Variants in STXBP3 observed in about 807,000 individuals in gnomAD.
The protein encoded by STXBP3 is syntaxin-binding protein 3.
In STXBP3, 41 loss-of-function variants were observed where a neutral mutation model predicts 85.7. That is an observed-to-expected ratio of 0.48 (90% CI 0.37 to 0.62). STXBP3 has a LOEUF of 0.62. Ranked by LOEUF, STXBP3 falls within the 20% of genes least tolerant of loss-of-function variation. The pLI is 0.00. For synonymous variants in STXBP3, 229 were observed against 231.7 expected, an observed-to-expected ratio of 0.99 and a Z score of 0.10; for missense variants, 563 against 703.1, an observed-to-expected ratio of 0.80 and a Z score of 2.25.
chr1:108,765,132 G>A (rs1002143743), intron 6 of STXBP3, among the ~76,000 whole-genome samples: 2 of 152,164 alleles, frequency 1.3e-5, no homozygotes, highest in African/African-American at 4.8e-5. Context: ...TTATTGATTA[G>A]GGAGTCCTTT....
intron 9 of STXBP3, chr1:108,780,931 C>T (rs904725927): frequency 6.6e-6 from 1 of 151,544 alleles, no homozygotes; most frequent in African/African-American, 2.4e-5. Context: ...CTGCGCCTGG[C>T]TCATTTTTGT....
In STXBP3 at chr1:108,772,501, CTA is replaced by C. The variant is rs202126770; in HGVS notation, c.439-157_439-156del. Among the ~76,000 whole-genome samples the C allele has an allele frequency of 4.3e-4, 62 of 142,566 alleles. 1 individual carries two copies. The highest frequency in any genetic ancestry group is 1.5e-3 in the African/African-American group (58 of 38,612). 93.5% of individuals were successfully genotyped at this position (142,566 alleles called of 152,430 possible). ...TAATATATAAATACATGATATCTAT[CTA>C]TATATAATATATAAATACATATGAT... is the stretch of plus-strand genomic sequence containing the variant. On this transcript the variant is annotated intron_variant, in intron 6 of 18. Transcript: ENST00000370008.
chr1:108,783,284 C>T (rs957524026), intron 11 of STXBP3, among the ~76,000 whole-genome samples: 7 of 152,182 alleles, frequency 4.6e-5, no homozygotes, highest in African/African-American at 1.7e-4. Context: ...TAAATTTATA[C>T]TGGATAACTT....
rs745310221 is a variant in STXBP3, at chr1:108,793,618, A to T, written c.1000A>T (p.Met334Leu). The stretch of plus-strand genomic sequence containing the variant: ...TGCTCTTACCCAGCTGATGAAAAAG[A>T]TGCCCCATTTCCGAAAACAGATTAC... ...LSALTQLMKK[M>L]PHFRKQITKQ... Residue 334 changes from methionine to leucine, a missense_variant, in exon 12 of 19, where the codon ATG becomes TTG. Coordinates refer to ENST00000370008, the MANE Select transcript of STXBP3 (RefSeq NM_007269.4). 5.6e-6 allele frequency: 9 copies of T among 1,612,332 alleles called. No individual in the cohort carries two copies. The African/African-American group carries it at 1.1e-4, about 19-fold the overall frequency.
chr1:108,753,128 A>G lies in STXBP3; in HGVS notation c.165A>G (p.Leu55=). The change falls in exon 3 of 19, where the codon CTA becomes CTG. Residue 55 remains leucine, a synonymous_variant. Transcript: ENST00000370008. The part of the protein sequence containing the change: ...LASCCKMTDL[L]EEGITVVENI... ...CGTGTTGCAAAATGACAGATCTTCT[A>G]GAAGAAGGTATTACTGGTAAGTGTT... 1 of 1,588,844 alleles carries G rather than the reference A, an allele frequency of 6.3e-7. No homozygotes were observed. Among genetic ancestry groups the G allele is most frequent in the Non-Finnish European group, 8.6e-7 (1 of 1,169,416 alleles).
At chr1:108,769,575 C>T (rs190825307) in intron 6 of STXBP3, among the ~76,000 whole-genome samples, 8 of 152,026 alleles carry the variant, frequency 5.3e-5, no homozygotes, top group Non-Finnish European at 2.9e-5. Flanking sequence ...AAGACAGGAT[C>T]TGTATTTAAG....
chr1:108,771,379 T>TC (rs1343356055), intron 6 of STXBP3, among the ~76,000 whole-genome samples: 5 of 125,186 alleles, frequency 4.0e-5, no homozygotes, highest in African/African-American at 1.2e-4. Flanking sequence ...TATATATATA[T>TC]AATATATAAA....
At chr1:108,779,547 T>TC in intron 9 of STXBP3, 137 bp downstream of exon 9, 1 of 896,294 alleles carries the variant, frequency 1.1e-6, no homozygotes, top group South Asian at 2.9e-5. Context: ...CTTCTCTTAT[T>TC]CCTACAGTTA....
chr1:108,776,270 C>T, intron 7 of STXBP3, 63 bp from the exon 8 acceptor site: 1 of 1,035,760 alleles, frequency 9.7e-7, no homozygotes, highest in South Asian at 2.3e-5. Flanking sequence ...AATTAAACTT[C>T]ATGATATTAT....
rs1474366954 is a variant in STXBP3 at position 108,808,812 on chromosome 1, C to T, written c.1714C>T (p.Leu572=). 2 of 1,613,030 alleles carry T rather than the reference C, an allele frequency of 1.2e-6. No individual in the cohort carries two copies. The highest frequency in any genetic ancestry group is 1.7e-6 in the Non-Finnish European group (2 of 1,179,650). The change falls in exon 19 of 19, where the codon CTG becomes TTG. Residue 572 remains leucine, a synonymous_variant. Coordinates refer to ENST00000370008, the MANE Select transcript of STXBP3 (RefSeq NM_007269.4). Reference sequence around the variant, plus strand: ...TACACATGTTTTAACACCCAAAAAGCTGTTGGATGATATAAAGATGCTGAA... The same window carrying T: ...TACACATGTTTTAACACCCAAAAAGTTGTTGGATGATATAAAGATGCTGAA... ...GSTHVLTPKK[L]LDDIKMLNKP... is the part of the protein sequence containing the mutation.
intron 5 of STXBP3, 123 bp from the exon 6 acceptor site, chr1:108,759,862 A>T (rs942589371): frequency 1.6e-6 from 1 of 617,980 alleles, no homozygotes; most frequent in Non-Finnish European, 2.8e-6. Flanking sequence ...TATATTATTT[A>T]TGTCCTCATA....
At chr1:108,747,881 T>A (rs1203687930) in intron 1 of STXBP3, among the ~76,000 whole-genome samples, 1 of 152,234 alleles carries the variant, frequency 6.6e-6, no homozygotes, top group African/African-American at 2.4e-5. Flanking sequence ...TTTACATGGC[T>A]GACTTAAGAT....
intron 15 of STXBP3, among the ~76,000 whole-genome samples, chr1:108,797,414 CTTTT>C (rs1322961126): frequency 1.5e-5 from 2 of 135,104 alleles, no homozygotes; most frequent in Non-Finnish European, 1.6e-5. Context: ...TCTTTCCCAT[CTTTT>C]TTTTTTTTTT....
At chr1:108,767,100 TC>T in intron 6 of STXBP3, 1 of 330,966 alleles carries the variant, frequency 3.0e-6, no homozygotes, top group Non-Finnish European at 5.9e-6. Context: ...TGGCTTCTCC[TC>T]CCTCTGCTGT....
At chr1:108,776,168 T>C (rs1304837098) in intron 7 of STXBP3, among the ~76,000 whole-genome samples, 165 bp from the exon 8 acceptor site, 5 of 152,146 alleles carry the variant, frequency 3.3e-5, no homozygotes, top group Non-Finnish European at 7.4e-5. Context: ...TATATCGATA[T>C]AAGATTATTT....
rs974165788 is a variant in STXBP3 at position 108,782,414 on chromosome 1, A to G, written c.810-8A>G. On this transcript the variant is annotated splice_region_variant and splice_polypyrimidine_tract_variant and intron_variant, in intron 9 of 18. Transcript: ENST00000370008. ...TCAAAAAGTTTTAGTGCTTCTGTCT[A>G]CTTGTAGATATAAAACAGATGGAAA... 1.9e-6 allele frequency: 3 copies of G among 1,596,410 alleles called. No individual in the cohort carries two copies. Among genetic ancestry groups the G allele is most frequent in the East Asian group, 4.5e-5 (2 of 44,706 alleles).
chr1:108,763,654 C>A (rs1176267269), intron 6 of STXBP3, among the ~76,000 whole-genome samples: 3 of 152,238 alleles, frequency 2.0e-5, no homozygotes, highest in South Asian at 2.1e-4. Context: ...CAGCTCACTG[C>A]AACCTCCACT....
chr1:108,800,994 T>A (rs1000672057), intron 17 of STXBP3, among the ~76,000 whole-genome samples: 2 of 152,206 alleles, frequency 1.3e-5, no homozygotes, highest in Non-Finnish European at 2.9e-5. Context: ...CTCCTTTCTC[T>A]CTCCTTCCTT....
At chr1:108,785,079 G>C (rs561090709) in intron 11 of STXBP3, among the ~76,000 whole-genome samples, 30 of 152,312 alleles carry the variant, frequency 2.0e-4, no homozygotes, top group African/African-American at 5.3e-4. Flanking sequence ...GTTGCAAGCT[G>C]TTGGTGGATC....
Sources: allele counts gnomAD v4.1 joint callset (sites outside exome capture counted in the v4.1 genomes callset), GRCh38; gene constraint gnomAD v4.1.1; transcripts MANE v1.5; gene names NCBI Gene and HGNC (gene_info 2026-07-23, HGNC 2026-07-21).